Variants in MARCHF1 observed in about 807,000 individuals in gnomAD.
The protein encoded by MARCHF1 is E3 ubiquitin-protein ligase MARCHF1.
In MARCHF1, 40 loss-of-function variants were observed where a neutral mutation model predicts 54.2. The observed-to-expected ratio is 0.74, with a 90% CI of 0.57 to 0.96. The LOEUF (loss-of-function observed/expected upper bound fraction) is 0.96. Among genes scored for constraint, MARCHF1 ranks in the 40% least tolerant of loss-of-function variants. The probability of loss-of-function intolerance (pLI) is 0.00; values close to 1 mark genes in which losing one functional copy is unlikely to be tolerated. For missense variants in MARCHF1, 586 were observed against 656.5 expected (o/e 0.89, Z 1.17); for synonymous variants, 236 against 236.3 (o/e 1.00, Z 0.01).
At chr4:163,751,189 C>T (rs1229158454) in intron 4 of MARCHF1, among the ~76,000 whole-genome samples, 3 of 150,368 alleles carry the variant, frequency 2.0e-5, no homozygotes, top group Non-Finnish European at 4.4e-5. Context: ...GACAGAGTCC[C>T]TCTATATTGG....
intron 1 of MARCHF1, among the ~76,000 whole-genome samples, chr4:164,361,142 A>G (rs1168341226): frequency 2.0e-5 from 3 of 151,978 alleles, no homozygotes; most frequent in African/African-American, 4.8e-5. Flanking sequence ...TGACCAAAGC[A>G]TATCAGTTTT....
chr4:163,553,413 C>G (rs1023349321), intron 8 of MARCHF1, among the ~76,000 whole-genome samples: 2 of 152,130 alleles, frequency 1.3e-5, no homozygotes, highest in Non-Finnish European at 2.9e-5. Flanking sequence ...GCACCTGTTC[C>G]CCACTTCTGT....
intron 3 of MARCHF1, among the ~76,000 whole-genome samples, chr4:163,908,980 C>T (rs925736512): frequency 3.3e-5 from 5 of 151,922 alleles, no homozygotes; most frequent in Admixed American, 2.0e-4. Context: ...AATCAAGAGC[C>T]CCAAGCAGGC....
intron 3 of MARCHF1, among the ~76,000 whole-genome samples, chr4:163,878,999 A>G (rs1410157736): frequency 1.3e-5 from 2 of 152,220 alleles, no homozygotes; most frequent in African/African-American, 4.8e-5. Context: ...ACAACTAGCA[A>G]AGGGCAACCA....
At position 164,360,031 on chromosome 4, in the gene MARCHF1, G is replaced by A. The variant is rs929802235; in HGVS notation, c.-323+23839C>T. On this transcript the variant is annotated intron_variant, in intron 1 of 9. Coordinates refer to ENST00000514618, the MANE Select transcript of MARCHF1 (RefSeq NM_001394959.1). ...AACCCCACCCCCCAGAACACTCCGC[G>A]CAATCAGTATGCGGGCAGGTATTGC... Among the ~76,000 whole-genome samples the A allele has an allele frequency of 7.2e-5, 11 of 151,976 alleles. No individual in the cohort carries two copies. In the East Asian group the frequency reaches 7.7e-4, roughly 11 times the overall value.
At chr4:163,976,154 C>T (rs2110853191) in intron 3 of MARCHF1, among the ~76,000 whole-genome samples, 1 of 152,296 alleles carries the variant, frequency 6.6e-6, no homozygotes, top group South Asian at 2.1e-4. Flanking sequence ...GGACATGTAA[C>T]TGCTGTATGT....
chr4:164,197,152 C>A, intron 1 of MARCHF1: 1 of 1,606,618 alleles, frequency 6.2e-7, no homozygotes, highest in Non-Finnish European at 8.5e-7. Context: ...CTCCTCCTCG[C>A]CCTCCTCATC....
intron 4 of MARCHF1, among the ~76,000 whole-genome samples, chr4:163,720,381 G>T (rs189576889): frequency 3.2e-4 from 48 of 152,210 alleles, no homozygotes; most frequent in African/African-American, 1.1e-3. Flanking sequence ...TGTTCCATTG[G>T]TCTATATCTC....
At chr4:163,961,833 GA>G (rs2110813157) in intron 3 of MARCHF1, among the ~76,000 whole-genome samples, 1 of 151,980 alleles carries the variant, frequency 6.6e-6, no homozygotes, top group Admixed American at 6.6e-5. Flanking sequence ...TAATTTTCAT[GA>G]TTATGCTTGG....
At chr4:164,095,805 C>T (rs1179445385) in intron 2 of MARCHF1, among the ~76,000 whole-genome samples, 1 of 152,100 alleles carries the variant, frequency 6.6e-6, no homozygotes, top group Non-Finnish European at 1.5e-5. Context: ...AAGCAGCCAA[C>T]AAACACAAAA....
intron 4 of MARCHF1, among the ~76,000 whole-genome samples, chr4:163,819,599 C>A (rs1169884040): frequency 6.6e-6 from 1 of 151,982 alleles, no homozygotes; most frequent in African/African-American, 2.4e-5. Context: ...TTTCTGACAC[C>A]CTCCTACCTC....
chr4:164,285,819 TAAAAA>T (rs78385104), intron 1 of MARCHF1, among the ~76,000 whole-genome samples: 2 of 95,852 alleles, frequency 2.1e-5, no homozygotes, highest in South Asian at 4.3e-4. Context: ...TGTAGTTCTT[TAAAAA>T]AAAAAAAAAA....
rs541862509 is a variant in MARCHF1, at chr4:163,903,619, C to CT, written c.-38-49451dup. 4.9e-4 allele frequency among the ~76,000 whole-genome samples: 66 copies of CT among 134,696 alleles called. No homozygotes were observed. The South Asian group carries it at 0.013, about 27-fold the overall frequency. The allele number at this position is 134,696 out of a possible 152,430, so 88.4% of individuals were successfully genotyped here. A position where few individuals can be genotyped will look rare whatever the true frequency, so the allele number is the denominator to read the frequency against. On this transcript the variant is annotated intron_variant, in intron 3 of 9. Transcript: ENST00000514618. Reference sequence around the variant, plus strand: ...TTTTTCTTTCTTTCTTTCTTTCTTTCTTTTTTTTGAGACAGAATTTCACCC... The same window carrying CT: ...TTTTTCTTTCTTTCTTTCTTTCTTTCTTTTTTTTTGAGACAGAATTTCACCC...
intron 4 of MARCHF1, among the ~76,000 whole-genome samples, chr4:163,756,986 G>T (rs1746696496): frequency 6.6e-6 from 1 of 152,196 alleles, no homozygotes; most frequent in Admixed American, 6.5e-5. Context: ...GGATGGAGAA[G>T]AAATGGGCTG....
chr4:163,613,559 A>C, intron 5 of MARCHF1, 166 bp from the exon 6 acceptor site: 2 of 1,534,686 alleles, frequency 1.3e-6, no homozygotes, highest in Non-Finnish European at 1.8e-6. Flanking sequence ...GTTTTGCAAA[A>C]GTAAAACTTA....
chr4:164,065,222 A>G (rs1052564850), intron 2 of MARCHF1, among the ~76,000 whole-genome samples: 51 of 152,302 alleles, frequency 3.3e-4, no homozygotes, highest in African/African-American at 1.2e-3. Flanking sequence ...TTCAGAAGAA[A>G]TGGTACTAGT....
chr4:164,210,913 T>C (rs1259317513), intron 1 of MARCHF1, among the ~76,000 whole-genome samples: 2 of 152,130 alleles, frequency 1.3e-5, no homozygotes, highest in African/African-American at 4.8e-5. Flanking sequence ...ACAACCTGAA[T>C]GAATCTGGAG....
intron 1 of MARCHF1, among the ~76,000 whole-genome samples, chr4:164,301,864 T>C (rs780265587): frequency 5.9e-5 from 9 of 152,078 alleles, no homozygotes; most frequent in Non-Finnish European, 1.0e-4. Context: ...AAGCAAAGTA[T>C]GGAAGAGAAA....
At chr4:163,992,552 A>T (rs1395147750) in intron 2 of MARCHF1, among the ~76,000 whole-genome samples, 2 of 151,862 alleles carry the variant, frequency 1.3e-5, no homozygotes, top group Non-Finnish European at 2.9e-5. Context: ...CAAGGCGTAG[A>T]GATGGTGTGA....
Sources: allele counts gnomAD v4.1 joint callset (sites outside exome capture counted in the v4.1 genomes callset), GRCh38; gene constraint gnomAD v4.1.1; transcripts MANE v1.5; gene names NCBI Gene and HGNC (gene_info 2026-07-23, HGNC 2026-07-21).